Variants in AGBL4 observed in about 807,000 individuals in gnomAD.
The protein encoded by AGBL4 is cytosolic carboxypeptidase 6.
Under a neutral mutation model 66.4 loss-of-function variants are expected in AGBL4, and 58 were observed. The ratio of observed to expected loss-of-function variants is 0.87; its 90% CI spans 0.71 to 1.09. The LOEUF is 1.09. AGBL4 is among the 50% of genes least tolerant of loss of function. AGBL4 has a pLI of 0.00. For synonymous variants in AGBL4, 234 were observed against 222.9 expected (o/e 1.05, Z -0.44); for missense variants, 579 against 631.0 (o/e 0.92, Z 0.88).
intron 3 of AGBL4, among the ~76,000 whole-genome samples, chr1:49,541,218 C>T (rs973819827): frequency 3.9e-5 from 6 of 152,218 alleles, no homozygotes; most frequent in Admixed American, 2.6e-4. Flanking sequence ...TCAGCCTCTG[C>T]GCCCACTCTG....
intron 3 of AGBL4, among the ~76,000 whole-genome samples, chr1:49,380,865 A>T (rs1387155345): frequency 6.6e-6 from 1 of 152,332 alleles, no homozygotes; most frequent in African/African-American, 2.4e-5. Flanking sequence ...TAAAGACTTA[A>T]ATGTTAGACC....
intron 3 of AGBL4, among the ~76,000 whole-genome samples, chr1:49,372,216 A>G (rs1410735191): frequency 6.6e-6 from 1 of 152,168 alleles, no homozygotes; most frequent in Non-Finnish European, 1.5e-5. Flanking sequence ...CTCATGTTAA[A>G]AACAAAAACT....
At chr1:49,656,351 G>C (rs183043783) in intron 3 of AGBL4, among the ~76,000 whole-genome samples, 4 of 152,134 alleles carry the variant, frequency 2.6e-5, no homozygotes, top group Non-Finnish European at 4.4e-5. Flanking sequence ...CTCTGAAATT[G>C]AGGCAATAAT....
intron 5 of AGBL4, among the ~76,000 whole-genome samples, chr1:48,875,273 A>C (rs1340157537): frequency 2.0e-5 from 3 of 152,172 alleles, no homozygotes; most frequent in Admixed American, 6.6e-5. Context: ...ACTGACTGAT[A>C]TCTGGATGCC....
At chr1:48,630,976 A>G (rs1645583546) in intron 9 of AGBL4, among the ~76,000 whole-genome samples, 2 of 152,096 alleles carry the variant, frequency 1.3e-5, no homozygotes, top group South Asian at 4.1e-4. Flanking sequence ...TACTCTATAA[A>G]TGCACCTAGA....
chr1:49,707,651 T>C (rs1008081697), intron 2 of AGBL4, among the ~76,000 whole-genome samples: 1 of 152,146 alleles, frequency 6.6e-6, no homozygotes. Context: ...ATAGTGTCGA[T>C]GGTCTCTACA....
chr1:49,132,920 C>T (rs1490700736), intron 4 of AGBL4, among the ~76,000 whole-genome samples: 1 of 152,174 alleles, frequency 6.6e-6, no homozygotes, highest in Non-Finnish European at 1.5e-5. Flanking sequence ...AATCATTCTA[C>T]TATAAAGACA....
At chr1:49,092,528 A>G (rs1645020986) in intron 4 of AGBL4, among the ~76,000 whole-genome samples, 1 of 152,186 alleles carries the variant, frequency 6.6e-6, no homozygotes, top group Admixed American at 6.6e-5. Flanking sequence ...CTGACAAAAA[A>G]GAATCATATT....
chr1:48,834,918 A>G (rs1319107745), intron 6 of AGBL4, among the ~76,000 whole-genome samples: 1 of 152,114 alleles, frequency 6.6e-6, no homozygotes. Flanking sequence ...TTTCTTCAGA[A>G]CCAGGGTGCT....
intron 1 of AGBL4, among the ~76,000 whole-genome samples, chr1:49,922,544 T>A (rs1161227397): frequency 6.6e-6 from 1 of 152,164 alleles, no homozygotes; most frequent in Admixed American, 6.6e-5. Flanking sequence ...TTATCCCATA[T>A]CTGGAAAACA....
At chr1:49,487,632 C>G (rs1024772202) in intron 3 of AGBL4, among the ~76,000 whole-genome samples, 2 of 151,902 alleles carry the variant, frequency 1.3e-5, no homozygotes, top group African/African-American at 4.8e-5. Context: ...TTTCCTGAGG[C>G]CTCACCAGCA....
chr1:49,913,078 A>C (rs1204624757), intron 1 of AGBL4, among the ~76,000 whole-genome samples: 3 of 152,212 alleles, frequency 2.0e-5, no homozygotes, highest in African/African-American at 7.2e-5. Flanking sequence ...TCCTTTGCAC[A>C]TACAAAATAC....
At chr1:49,219,578 G>A (rs935262113) in intron 4 of AGBL4, among the ~76,000 whole-genome samples, 1 of 152,082 alleles carries the variant, frequency 6.6e-6, no homozygotes, top group Admixed American at 6.6e-5. Flanking sequence ...GTTACTGTAG[G>A]CAAAGGATTC....
chr1:49,612,197 T>C (rs575375969), intron 3 of AGBL4, among the ~76,000 whole-genome samples: 2 of 152,332 alleles, frequency 1.3e-5, no homozygotes, highest in South Asian at 4.1e-4. Context: ...ACTTGGTGGA[T>C]GCTTGTTTGA....
rs544207774 is a variant in AGBL4 at position 49,981,226 on chromosome 1, C to A, written c.34+42537G>T. 1.4e-4 allele frequency among the ~76,000 whole-genome samples: 22 copies of A among 152,246 alleles called. No individual in the cohort carries two copies. The East Asian group carries it at 4.2e-3, about 29-fold the overall frequency. ...TACACGCTTGCTTTATAAGTGTCTT[C>A]ATATTCTAGCTCAACTTTGAAGAAA... is the stretch of plus-strand genomic sequence containing the variant. On this transcript the variant is annotated intron_variant, in intron 1 of 13. Coordinates refer to ENST00000371839, the MANE Select transcript of AGBL4 (RefSeq NM_032785.4).
chr1:48,735,489 GAGGAAGGAGGA>G (rs929955214), intron 6 of AGBL4, among the ~76,000 whole-genome samples: 25 of 151,582 alleles, frequency 1.6e-4, no homozygotes, highest in Non-Finnish European at 3.4e-4. Flanking sequence ...AAGGAAAAAG[GAGGAAGGAGGA>G]AGGAAGGAGG....
At chr1:49,073,594 A>C (rs1480052879) in intron 4 of AGBL4, among the ~76,000 whole-genome samples, 1 of 152,146 alleles carries the variant, frequency 6.6e-6, no homozygotes, top group East Asian at 1.9e-4. Flanking sequence ...CAGAACAGCA[A>C]ATATCACTGC....
intron 6 of AGBL4, among the ~76,000 whole-genome samples, chr1:48,731,334 C>T (rs1206172037): frequency 3.9e-5 from 6 of 152,162 alleles, no homozygotes; most frequent in African/African-American, 1.4e-4. Flanking sequence ...CAGCAGGTAG[C>T]CTGAAAGCCC....
At chr1:49,952,738 A>T (rs749684788) in intron 1 of AGBL4, among the ~76,000 whole-genome samples, 1 of 151,896 alleles carries the variant, frequency 6.6e-6, no homozygotes, top group Non-Finnish European at 1.5e-5. Flanking sequence ...ATAGATTCCA[A>T]ATGATGGTAG....
Sources: allele counts gnomAD v4.1 joint callset (sites outside exome capture counted in the v4.1 genomes callset), GRCh38; gene constraint gnomAD v4.1.1; transcripts MANE v1.5; gene names NCBI Gene and HGNC (gene_info 2026-07-23, HGNC 2026-07-21).